Variants in PDLIM5 observed in about 807,000 individuals in gnomAD.
PDLIM5 encodes PDZ and LIM domain protein 5.
A neutral mutation model predicts 64.2 loss-of-function variants in PDLIM5; 34 were observed. That is an observed-to-expected ratio of 0.53 (90% CI 0.40 to 0.71). PDLIM5 has a LOEUF of 0.71. Ranked by LOEUF, PDLIM5 falls within the 30% of genes least tolerant of loss-of-function variation. The probability of loss-of-function intolerance (pLI) is 0.00; values close to 1 mark genes in which losing one functional copy is unlikely to be tolerated. For synonymous variants in PDLIM5, 253 were observed against 269.1 expected (o/e 0.94, Z 0.59); for missense variants, 683 against 733.6 (o/e 0.93, Z 0.80).
At position 94,666,423 on chromosome 4, in the gene PDLIM5, G is replaced by A. The variant is rs140154582; in HGVS notation, c.*2356G>A. 10 of 181,044 alleles carry A rather than the reference G, an allele frequency of 5.5e-5. No homozygotes were observed. The highest frequency in any genetic ancestry group is 1.0e-4 in the Non-Finnish European group (9 of 86,964). 11.2% of individuals were successfully genotyped at this position (181,044 alleles called of 1,614,324 possible). A position where few individuals can be genotyped will look rare whatever the true frequency, so the allele number is the denominator to read the frequency against. On this transcript the variant is annotated 3_prime_UTR_variant, in exon 13 of 13. Transcript: ENST00000317968. ...TCTTTTGAAATAAAGTGCTGGAGCT[G>A]AATTCTGCATTATTTATCGTTGCTG... is the stretch of plus-strand genomic sequence containing the variant.
At chr4:94,504,522 T>G (rs947020698) in intron 2 of PDLIM5, among the ~76,000 whole-genome samples, 1 of 152,140 alleles carries the variant, frequency 6.6e-6, no homozygotes, top group African/African-American at 2.4e-5. Flanking sequence ...CGTGACCTCG[T>G]GATCTGCCCG....
chr4:94,642,517 T>C (rs1741078181), intron 9 of PDLIM5, among the ~76,000 whole-genome samples: 1 of 152,220 alleles, frequency 6.6e-6, no homozygotes, highest in African/African-American at 2.4e-5. Context: ...TAGCCATCAC[T>C]TATTGCTCCC....
intron 7 of PDLIM5, chr4:94,588,110 A>G: frequency 1.1e-6 from 1 of 937,760 alleles, no homozygotes; most frequent in Non-Finnish European, 1.3e-6. Flanking sequence ...GTATTGTAAT[A>G]AAGTTGCCTT....
intron 10 of PDLIM5, among the ~76,000 whole-genome samples, chr4:94,655,681 A>G (rs1053810493): frequency 6.6e-6 from 1 of 152,226 alleles, no homozygotes; most frequent in Admixed American, 6.5e-5. Flanking sequence ...AATATTCATT[A>G]ATACTGTTTT....
At chr4:94,464,237 A>G (rs761756356) in intron 2 of PDLIM5, among the ~76,000 whole-genome samples, 2 of 152,238 alleles carry the variant, frequency 1.3e-5, no homozygotes, top group Non-Finnish European at 2.9e-5. Context: ...TGATTTAACA[A>G]TGGCCACTGT....
At chr4:94,565,998 G>T (rs1734286124) in intron 3 of PDLIM5, among the ~76,000 whole-genome samples, 1 of 152,116 alleles carries the variant, frequency 6.6e-6, no homozygotes, top group African/African-American at 2.4e-5. Context: ...CTATAAACAT[G>T]TCATTGAAAA....
intron 7 of PDLIM5, among the ~76,000 whole-genome samples, chr4:94,615,084 G>A (rs1170040642): frequency 1.3e-5 from 2 of 152,206 alleles, no homozygotes; most frequent in African/African-American, 4.8e-5. Context: ...TAATTTGCAT[G>A]TATTATCTCA....
At chr4:94,494,805 A>G (rs955884878) in intron 2 of PDLIM5, among the ~76,000 whole-genome samples, 45 of 151,348 alleles carry the variant, frequency 3.0e-4, no homozygotes, top group Non-Finnish European at 5.7e-4. Flanking sequence ...CTGGAGTGCA[A>G]TGGTGCAATC....
At chr4:94,645,379 G>A (rs943388455) in intron 9 of PDLIM5, among the ~76,000 whole-genome samples, 1 of 152,156 alleles carries the variant, frequency 6.6e-6, no homozygotes, top group African/African-American at 2.4e-5. Context: ...AAACATGCAT[G>A]TGCAAGTATC....
intron 2 of PDLIM5, among the ~76,000 whole-genome samples, chr4:94,460,641 AAAAG>A (rs1723794074): frequency 6.6e-6 from 1 of 152,020 alleles, no homozygotes; most frequent in Non-Finnish European, 1.5e-5. Context: ...AAGAAAAAAA[AAAAG>A]GTAAGAATAG....
At chr4:94,481,734 G>A (rs958052492) in intron 2 of PDLIM5, among the ~76,000 whole-genome samples, 3 of 151,008 alleles carry the variant, frequency 2.0e-5, no homozygotes, top group Admixed American at 1.3e-4. Context: ...TCAGTCTCCC[G>A]AGTAGCTGGG....
intron 8 of PDLIM5, among the ~76,000 whole-genome samples, chr4:94,619,901 G>A (rs1400967296): frequency 6.6e-6 from 1 of 152,120 alleles, no homozygotes; most frequent in African/African-American, 2.4e-5. Context: ...GGGATTACAG[G>A]TGTGAGCTCT....
chr4:94,664,804 A>C lies in PDLIM5; in HGVS notation c.*737A>C, dbSNP rs1742990755. ...AGAATCACTTGAACCCGGGAGGGAG[A>C]GGTTGCAGTGAGCCAAGATCGTACC... On this transcript the variant is annotated 3_prime_UTR_variant, in exon 13 of 13. Coordinates refer to ENST00000317968, the MANE Select transcript of PDLIM5 (RefSeq NM_006457.5). 1 of 275,822 alleles carries C rather than the reference A, an allele frequency of 3.6e-6. No individual in the cohort carries two copies. The highest frequency in any genetic ancestry group is 5.5e-6 in the Non-Finnish European group (1 of 181,310). 17.1% of individuals were successfully genotyped at this position (275,822 alleles called of 1,614,324 possible). A position where few individuals can be genotyped will look rare whatever the true frequency, so the allele number is the denominator to read the frequency against.
At chr4:94,493,629 G>C (rs1727072092) in intron 2 of PDLIM5, among the ~76,000 whole-genome samples, 1 of 152,082 alleles carries the variant, frequency 6.6e-6, no homozygotes, top group Non-Finnish European at 1.5e-5. Context: ...TATTATAAAA[G>C]CTGCTGCTTT....
chr4:94,528,269 A>G (rs1730550615), intron 3 of PDLIM5, among the ~76,000 whole-genome samples: 2 of 152,164 alleles, frequency 1.3e-5, no homozygotes, highest in Non-Finnish European at 2.9e-5. Flanking sequence ...TGTTCCTACT[A>G]TCGCACCTCA....
At chr4:94,546,741 G>A (rs1284824311) in intron 3 of PDLIM5, among the ~76,000 whole-genome samples, 2 of 151,948 alleles carry the variant, frequency 1.3e-5, no homozygotes, top group Non-Finnish European at 2.9e-5. Flanking sequence ...AAAAACACCA[G>A]GGATATTAAA....
chr4:94,652,600 G>A (rs528566017), intron 9 of PDLIM5, among the ~76,000 whole-genome samples: 45 of 152,080 alleles, frequency 3.0e-4, no homozygotes, highest in Non-Finnish European at 5.9e-4. Flanking sequence ...TGAAAATGAT[G>A]GACCACTTAC....
At chr4:94,637,465 A>G (rs2110449308) in intron 8 of PDLIM5, among the ~76,000 whole-genome samples, 1 of 152,312 alleles carries the variant, frequency 6.6e-6, no homozygotes, top group East Asian at 1.9e-4. Context: ...AGGCTGAGGC[A>G]GGAGAATCAT....
At chr4:94,599,143 A>G (rs777100013) in intron 7 of PDLIM5, among the ~76,000 whole-genome samples, 4 of 152,186 alleles carry the variant, frequency 2.6e-5, no homozygotes, top group Non-Finnish European at 5.9e-5. Flanking sequence ...CATCTGATGT[A>G]TATTTTTAAC....
Sources: gnomAD v4.1 joint callset for allele counts (sites outside exome capture counted in the v4.1 genomes callset) on GRCh38, gnomAD v4.1.1 for gene constraint, MANE v1.5 for transcripts, NCBI Gene and HGNC (gene_info 2026-07-23, HGNC 2026-07-21) for gene names.